EYS: variants seen among roughly 807,000 people sequenced by gnomAD.
EYS encodes EGF-like photoreceptor maintenance factor.
In EYS, 250 loss-of-function variants were observed where a neutral mutation model predicts 282.1. The ratio of observed to expected loss-of-function variants is 0.89; its 90% CI spans 0.80 to 0.98. The LOEUF is 0.98. Ranked by LOEUF, EYS falls within the 50% of genes least tolerant of loss-of-function variation. The pLI, the probability that EYS is intolerant of heterozygous loss-of-function variation, is 0.00. For synonymous variants in EYS, 1,355 were observed against 1,282.9 expected (o/e 1.06, Z -1.20); for missense variants, 4,016 against 3,709.0 (o/e 1.08, Z -2.15).
intron 28 of EYS, among the ~76,000 whole-genome samples, chr6:64,425,927 C>A (rs1774392821): frequency 6.6e-6 from 1 of 151,184 alleles, no homozygotes; most frequent in African/African-American, 2.4e-5. Context: ...AGTAGGAGAC[C>A]AGGAATTGTA....
Position 64,972,515 on chromosome 6 carries a change from T to G in EYS, c.2259+25067A>C, listed in dbSNP as rs571436810. 9.9e-5 allele frequency among the ~76,000 whole-genome samples: 15 copies of G among 152,140 alleles called. No individual in the cohort carries two copies. The East Asian group carries it at 2.3e-3, about 24-fold the overall frequency. ...CCTCTTCCTCACTCTAGCCAATCCCTCCTCTTCCTCACTCTACTCAATGTG... is the reference window on the plus strand; with the variant it reads ...CCTCTTCCTCACTCTAGCCAATCCCGCCTCTTCCTCACTCTACTCAATGTG... On this transcript the variant is annotated intron_variant, in intron 14 of 42. Transcript: ENST00000503581.
At chr6:64,783,971 T>C (rs540299288) in intron 22 of EYS, among the ~76,000 whole-genome samples, 5 of 152,150 alleles carry the variant, frequency 3.3e-5, no homozygotes, top group Non-Finnish European at 5.9e-5. Flanking sequence ...ATATTACTTT[T>C]AAATGTTATC....
intron 26 of EYS, among the ~76,000 whole-genome samples, chr6:64,549,247 G>A (rs761225784): frequency 1.9e-4 from 29 of 152,032 alleles, no homozygotes; most frequent in Non-Finnish European, 2.9e-4. Flanking sequence ...CTGCCTCACC[G>A]TATCATAAGC....
At chr6:65,553,510 G>A (rs769852135) in intron 2 of EYS, among the ~76,000 whole-genome samples, 10 of 152,030 alleles carry the variant, frequency 6.6e-5, no homozygotes, top group Non-Finnish European at 1.2e-4. Context: ...TTATATCTTA[G>A]AGTGATATTG....
chr6:63,892,440 T>C (rs1375985166), intron 35 of EYS, among the ~76,000 whole-genome samples: 2 of 152,100 alleles, frequency 1.3e-5, no homozygotes, highest in African/African-American at 4.8e-5. Flanking sequence ...TCTACAACCA[T>C]CTGATCTTTG....
At chr6:64,145,918 C>A (rs976203993) in intron 31 of EYS, among the ~76,000 whole-genome samples, 2 of 152,122 alleles carry the variant, frequency 1.3e-5, no homozygotes, top group African/African-American at 2.4e-5. Context: ...TTACACTGAG[C>A]CCTTCCAAGG....
intron 35 of EYS, among the ~76,000 whole-genome samples, chr6:63,927,556 G>T (rs540654323): frequency 6.6e-6 from 1 of 152,178 alleles, no homozygotes. Flanking sequence ...GCTGAGTGTG[G>T]TTAAGGTGAG....
intron 12 of EYS, among the ~76,000 whole-genome samples, chr6:65,066,955 G>A (rs974662733): frequency 7.2e-5 from 11 of 152,082 alleles, no homozygotes; most frequent in African/African-American, 1.2e-4. Context: ...TTCCTGAAAC[G>A]ACAGAGGAGA....
chr6:64,269,485 G>C (rs1767868828), intron 30 of EYS, among the ~76,000 whole-genome samples: 1 of 151,556 alleles, frequency 6.6e-6, no homozygotes. Flanking sequence ...GGTAATCTTT[G>C]AAAGATACCT....
intron 26 of EYS, among the ~76,000 whole-genome samples, chr6:64,514,179 A>G (rs1777493315): frequency 6.6e-6 from 1 of 151,642 alleles, no homozygotes; most frequent in Non-Finnish European, 1.5e-5. Context: ...GCCAGGACAT[A>G]ATTTATGTAA....
At chr6:64,160,098 C>G (rs115101648) in intron 31 of EYS, among the ~76,000 whole-genome samples, 2,921 of 152,216 alleles carry the variant, frequency 0.019, 83 homozygotes, top group African/African-American at 0.066. Context: ...TCTTGTCTGG[C>G]TTTTGCAGGT....
At chr6:63,731,608 C>T (rs932160658) in intron 41 of EYS, among the ~76,000 whole-genome samples, 1 of 152,118 alleles carries the variant, frequency 6.6e-6, no homozygotes, top group Non-Finnish European at 1.5e-5. Context: ...ATTTTTCCCT[C>T]AGAGATTCTA....
chr6:64,324,067 AGTCCAGCTAC>A lies in EYS; in HGVS notation c.6079-16995_6079-16986del, dbSNP rs562751218. Among the ~76,000 whole-genome samples, 305 of 152,278 alleles carry A rather than the reference AGTCCAGCTAC, an allele frequency of 2.0e-3. 2 individuals are homozygous for A. In the Middle Eastern group the frequency reaches 0.02, roughly 10 times the overall value. ...TAACTTTTGACAGCTCTTAATGGTC[AGTCCAGCTAC>A]AAACTTGACATGGGATTGTTCAGAG... On this transcript the variant is annotated intron_variant, in intron 29 of 42. Transcript: ENST00000503581.
At chr6:64,573,637 A>T (rs1765792573) in intron 26 of EYS, among the ~76,000 whole-genome samples, 1 of 152,156 alleles carries the variant, frequency 6.6e-6, no homozygotes, top group African/African-American at 2.4e-5. Flanking sequence ...CACTTCTCAA[A>T]AGAAGACATT....
At chr6:63,730,507 A>G (rs1344232380) in intron 41 of EYS, among the ~76,000 whole-genome samples, 2 of 152,176 alleles carry the variant, frequency 1.3e-5, no homozygotes, top group African/African-American at 2.4e-5. Flanking sequence ...GCATAACCCC[A>G]AGGGGAAGTC....
At chr6:64,932,771 C>T (rs1442100115) in intron 15 of EYS, among the ~76,000 whole-genome samples, 1 of 151,736 alleles carries the variant, frequency 6.6e-6, no homozygotes, top group Non-Finnish European at 1.5e-5. Flanking sequence ...GTTTTAGTTC[C>T]AAAAATCTAA....
At chr6:63,832,499 T>C (rs1771671639) in intron 36 of EYS, among the ~76,000 whole-genome samples, 1 of 151,952 alleles carries the variant, frequency 6.6e-6, no homozygotes, top group Non-Finnish European at 1.5e-5. Context: ...ACATATACCC[T>C]CCCAACACTA....
At chr6:64,576,373 T>A (rs918781681) in intron 26 of EYS, among the ~76,000 whole-genome samples, 1 of 152,124 alleles carries the variant, frequency 6.6e-6, no homozygotes. Flanking sequence ...TTTAGAACGT[T>A]AAAGAAGTGA....
chr6:64,291,423 T>C (rs1376117850), intron 30 of EYS, among the ~76,000 whole-genome samples: 2 of 152,130 alleles, frequency 1.3e-5, no homozygotes, highest in Non-Finnish European at 2.9e-5. Flanking sequence ...TTCATTTTAT[T>C]GCAAAACTGA....
Sources: gnomAD v4.1 joint callset for allele counts (sites outside exome capture counted in the v4.1 genomes callset) on GRCh38, gnomAD v4.1.1 for gene constraint, MANE v1.5 for transcripts, NCBI Gene and HGNC (gene_info 2026-07-23, HGNC 2026-07-21) for gene names.